SYNDIG1: variants seen among roughly 807,000 people sequenced by gnomAD.
SYNDIG1 encodes the protein synapse differentiation inducing 1, also known as synapse differentiation-inducing gene protein 1.
SYNDIG1 carries 9 observed loss-of-function variants against 19.4 expected under a neutral mutation model. The observed-to-expected ratio is 0.46, with a 90% CI of 0.28 to 0.81. The LOEUF is 0.81. Among genes scored for constraint, SYNDIG1 ranks in the 30% least tolerant of loss-of-function variants. The pLI, the probability that SYNDIG1 is intolerant of heterozygous loss-of-function variation, is 0.12. For missense variants in SYNDIG1, 311 were observed against 343.3 expected (o/e 0.91, Z 0.74); for synonymous variants, 141 against 145.9 (o/e 0.97, Z 0.24).
chr20:24,590,980 G>A (rs2058500623), intron 3 of SYNDIG1, among the ~76,000 whole-genome samples: 1 of 152,172 alleles, frequency 6.6e-6, no homozygotes, highest in East Asian at 1.9e-4. Context: ...GCACAGCAGA[G>A]GGGCGCGGAG....
intron 3 of SYNDIG1, among the ~76,000 whole-genome samples, chr20:24,646,402 G>A (rs2059423040): frequency 6.6e-6 from 1 of 152,194 alleles, no homozygotes; most frequent in South Asian, 2.1e-4. Flanking sequence ...TTTGGGTCAA[G>A]GGGGCAGATC....
intron 3 of SYNDIG1, among the ~76,000 whole-genome samples, chr20:24,659,197 C>T (rs1229581584): frequency 1.3e-5 from 2 of 151,532 alleles, no homozygotes; most frequent in Non-Finnish European, 3.0e-5. Flanking sequence ...AAGCACTGGA[C>T]ATAACTCATT....
chr20:24,589,052 G>T (rs925070455), intron 3 of SYNDIG1, among the ~76,000 whole-genome samples: 1 of 152,188 alleles, frequency 6.6e-6, no homozygotes, highest in Non-Finnish European at 1.5e-5. Flanking sequence ...TTGCAAGCAC[G>T]CTTTGTAAAC....
At chr20:24,474,347 G>C (rs910297039) in intron 1 of SYNDIG1, among the ~76,000 whole-genome samples, 1 of 152,006 alleles carries the variant, frequency 6.6e-6, no homozygotes, top group Non-Finnish European at 1.5e-5. Context: ...AAAAACAAAG[G>C]AAAATAGAAA....
chr20:24,495,716 G>A (rs1239021057), intron 1 of SYNDIG1: 1 of 152,234 alleles, frequency 6.6e-6, no homozygotes, highest in Non-Finnish European at 1.5e-5. Flanking sequence ...GAGTAATTGA[G>A]TTCTAAAGTT....
chr20:24,561,369 C>A (rs1268002678), intron 2 of SYNDIG1, among the ~76,000 whole-genome samples: 1 of 152,114 alleles, frequency 6.6e-6, no homozygotes, highest in Admixed American at 6.5e-5. Flanking sequence ...GCCATTTGAC[C>A]CAACCAGAGT....
intron 3 of SYNDIG1, among the ~76,000 whole-genome samples, chr20:24,591,512 G>A (rs1053830470): frequency 6.6e-6 from 1 of 152,042 alleles, no homozygotes; most frequent in African/African-American, 2.4e-5. Flanking sequence ...ATTTAATGAG[G>A]TCATGTCAAG....
At chr20:24,581,521 G>C (rs535415762) in intron 2 of SYNDIG1, among the ~76,000 whole-genome samples, 1 of 151,962 alleles carries the variant, frequency 6.6e-6, no homozygotes, top group African/African-American at 2.4e-5. Context: ...TGGACCTCCC[G>C]AGCATCTCCT....
chr20:24,556,557 ACTTATGAAG>A (rs1233826538), intron 2 of SYNDIG1, among the ~76,000 whole-genome samples: 1 of 151,940 alleles, frequency 6.6e-6, no homozygotes, highest in African/African-American at 2.4e-5. Flanking sequence ...TTTCTCCTTC[ACTTATGAAG>A]CTTAGTTTGG....
At chr20:24,640,308 G>T (rs1273379238) in intron 3 of SYNDIG1, among the ~76,000 whole-genome samples, 1 of 148,416 alleles carries the variant, frequency 6.7e-6, no homozygotes, top group Non-Finnish European at 1.5e-5. Flanking sequence ...GTGACAGTGA[G>T]AAAAAAAAGA....
At chr20:24,614,359 G>A (rs1445540765) in intron 3 of SYNDIG1, among the ~76,000 whole-genome samples, 1 of 152,150 alleles carries the variant, frequency 6.6e-6, no homozygotes, top group Non-Finnish European at 1.5e-5. Context: ...TGTAATTTGT[G>A]GCTTGGTAAG....
chr20:24,514,221 G>A (rs558308633), intron 1 of SYNDIG1, among the ~76,000 whole-genome samples: 4 of 152,204 alleles, frequency 2.6e-5, no homozygotes, highest in South Asian at 4.2e-4. Context: ...ATCAACTAAC[G>A]AGCAAAATAA....
intron 1 of SYNDIG1, among the ~76,000 whole-genome samples, chr20:24,508,368 A>G (rs1228068751): frequency 6.6e-6 from 1 of 151,818 alleles, no homozygotes; most frequent in Non-Finnish European, 1.5e-5. Flanking sequence ...AGCTGAGATT[A>G]CAGGCGTGCA....
intron 3 of SYNDIG1, among the ~76,000 whole-genome samples, chr20:24,627,162 C>G (rs192642029): frequency 7.1e-6 from 1 of 140,612 alleles, no homozygotes; most frequent in Non-Finnish European, 1.6e-5. Flanking sequence ...AGAGCGAGAG[C>G]GAGAGCGAGA....
chr20:24,660,216 G>A (rs1443670873), intron 3 of SYNDIG1, among the ~76,000 whole-genome samples: 1 of 152,184 alleles, frequency 6.6e-6, no homozygotes, highest in Admixed American at 6.5e-5. Context: ...GTGAATACAT[G>A]AATAATTCTT....
chr20:24,523,782 C>T (rs138983456), intron 1 of SYNDIG1, among the ~76,000 whole-genome samples: 2,362 of 152,290 alleles, frequency 0.016, 51 homozygotes, highest in Non-Finnish European at 0.018. Context: ...CCTGTGCCTT[C>T]CTCACAGCAT....
chr20:24,664,221 G>A (rs995281567), intron 3 of SYNDIG1, among the ~76,000 whole-genome samples: 3 of 152,154 alleles, frequency 2.0e-5, no homozygotes, highest in African/African-American at 4.8e-5. Context: ...GCAGGTTCAC[G>A]TCATGAGCCA....
At chr20:24,563,673 C>T (rs528938716) in intron 2 of SYNDIG1, among the ~76,000 whole-genome samples, 36 of 152,320 alleles carry the variant, frequency 2.4e-4, no homozygotes, top group African/African-American at 8.7e-4. Flanking sequence ...ACAATCTTGG[C>T]TCAGTTAAGC....
At chr20:24,478,924 C>T (rs1377340683) in intron 1 of SYNDIG1, among the ~76,000 whole-genome samples, 2 of 152,342 alleles carry the variant, frequency 1.3e-5, no homozygotes, top group East Asian at 1.9e-4. Flanking sequence ...GACAGCAGGT[C>T]GACTGTCAGA....
Sources: gnomAD v4.1 joint callset for allele counts (sites outside exome capture counted in the v4.1 genomes callset) on GRCh38, gnomAD v4.1.1 for gene constraint, MANE v1.5 for transcripts, NCBI Gene and HGNC (gene_info 2026-07-23, HGNC 2026-07-21) for gene names.